Variants in RBFOX1 observed in about 807,000 individuals in gnomAD.
The protein encoded by RBFOX1 is RNA binding fox-1 homolog 1.
RBFOX1 carries 8 observed loss-of-function variants against 57.7 expected under a neutral mutation model. The observed-to-expected ratio is 0.14, with a 90% CI of 0.08 to 0.25. The LOEUF is 0.25. Among genes scored for constraint, RBFOX1 ranks in the 10% least tolerant of loss-of-function variants. RBFOX1 has a pLI of 1.00. For missense variants in RBFOX1, 611 were observed against 548.5 expected, an observed-to-expected ratio of 1.11 and a Z score of -1.14; for synonymous variants, 326 against 222.4, an observed-to-expected ratio of 1.47 and a Z score of -4.15.
At chr16:7,380,722 A>C (rs749376644) in intron 4 of RBFOX1, among the ~76,000 whole-genome samples, 1 of 152,216 alleles carries the variant, frequency 6.6e-6, no homozygotes, top group African/African-American at 2.4e-5. Context: ...TTTGCACCTG[A>C]ATATTCCATG....
At chr16:7,287,578 T>A (rs1483606248) in intron 4 of RBFOX1, among the ~76,000 whole-genome samples, 2 of 152,204 alleles carry the variant, frequency 1.3e-5, no homozygotes, top group Non-Finnish European at 2.9e-5. Context: ...GCTACTTAAA[T>A]GGAAGAAGAT....
At chr16:7,499,905 A>C (rs973706864) in intron 4 of RBFOX1, among the ~76,000 whole-genome samples, 2 of 152,132 alleles carry the variant, frequency 1.3e-5, no homozygotes, top group African/African-American at 2.4e-5. Context: ...GAAAAAAAAA[A>C]AACATTGTTC....
intron 2 of RBFOX1, among the ~76,000 whole-genome samples, chr16:6,516,876 T>G (rs184980726): frequency 2.1e-3 from 316 of 152,278 alleles, no homozygotes; most frequent in African/African-American, 7.2e-3. Flanking sequence ...ATGGGAATGT[T>G]GCATTTGAAA....
intron 4 of RBFOX1, among the ~76,000 whole-genome samples, chr16:7,107,609 C>G (rs1216238848): frequency 6.6e-6 from 1 of 152,176 alleles, no homozygotes; most frequent in Admixed American, 6.6e-5. Context: ...CTTCCTACGT[C>G]GCTGACATCC....
chr16:6,916,658 C>A (rs1331458193), intron 3 of RBFOX1, among the ~76,000 whole-genome samples: 4 of 152,074 alleles, frequency 2.6e-5, no homozygotes, highest in African/African-American at 9.7e-5. Context: ...GTCATCACGA[C>A]CTTCCCAGGT....
At chr16:5,344,880 T>C (rs2065107074) in intron 1 of RBFOX1, among the ~76,000 whole-genome samples, 2 of 152,230 alleles carry the variant, frequency 1.3e-5, no homozygotes, top group African/African-American at 4.8e-5. Context: ...GGCATGTTGA[T>C]ATCAATAACT....
intron 4 of RBFOX1, among the ~76,000 whole-genome samples, chr16:7,178,002 G>A (rs2082004036): frequency 6.6e-6 from 1 of 152,128 alleles, no homozygotes; most frequent in South Asian, 2.1e-4. Context: ...CTGACCTATT[G>A]ATTCAGAATC....
At chr16:7,581,427 C>G (rs748779717) in intron 6 of RBFOX1, among the ~76,000 whole-genome samples, 3 of 152,158 alleles carry the variant, frequency 2.0e-5, no homozygotes, top group Non-Finnish European at 4.4e-5. Context: ...AGGAAGACAT[C>G]TTGCTATGCA....
intron 4 of RBFOX1, among the ~76,000 whole-genome samples, chr16:7,070,191 G>C (rs1031144062): frequency 5.9e-5 from 9 of 152,222 alleles, no homozygotes; most frequent in Admixed American, 3.9e-4. Flanking sequence ...TGAGCGATCA[G>C]AGCACGAGGT....
intron 3 of RBFOX1, among the ~76,000 whole-genome samples, chr16:6,842,618 C>T (rs6500848): frequency 0.49 from 74,090 of 149,774 alleles, 19,568 homozygotes; most frequent in East Asian, 0.75. Flanking sequence ...TTCCTGCTGA[C>T]AGACATTTAG....
intron 3 of RBFOX1, among the ~76,000 whole-genome samples, chr16:6,876,948 T>G (rs1453920779): frequency 2.0e-5 from 3 of 152,156 alleles, no homozygotes; most frequent in Non-Finnish European, 4.4e-5. Context: ...TTCTCAGTAT[T>G]TATGGAAGAA....
chr16:5,614,424 T>C (rs932672310), intron 3 of RBFOX1, among the ~76,000 whole-genome samples: 1 of 152,152 alleles, frequency 6.6e-6, no homozygotes, highest in Non-Finnish European at 1.5e-5. Flanking sequence ...TCAATTTCAG[T>C]TCACTGGCAC....
At chr16:5,461,164 G>A (rs59856091) in intron 1 of RBFOX1, among the ~76,000 whole-genome samples, 278 of 152,322 alleles carry the variant, frequency 1.8e-3, no homozygotes, top group African/African-American at 6.5e-3. Flanking sequence ...ACTGAACCCC[G>A]TCGTGGTCTT....
chr16:7,225,555 C>T (rs55872822), intron 4 of RBFOX1, among the ~76,000 whole-genome samples: 10,533 of 151,704 alleles, frequency 0.069, 999 homozygotes, highest in African/African-American at 0.22. Flanking sequence ...TTTATTGCAT[C>T]ATGAAAGTAG....
intron 4 of RBFOX1, among the ~76,000 whole-genome samples, chr16:6,009,333 A>G (rs2094946333): frequency 6.6e-6 from 1 of 152,226 alleles, no homozygotes; most frequent in Admixed American, 6.5e-5. Context: ...TGAGTCAAGT[A>G]GGGCTTTGAT....
At chr16:6,265,513 C>T (rs963723559) in intron 1 of RBFOX1, among the ~76,000 whole-genome samples, 4 of 152,166 alleles carry the variant, frequency 2.6e-5, no homozygotes, top group African/African-American at 7.2e-5. Flanking sequence ...CCACCCACCT[C>T]GGCCTCCCAG....
intron 2 of RBFOX1, among the ~76,000 whole-genome samples, chr16:6,419,467 T>C (rs908127248): frequency 6.6e-6 from 1 of 152,190 alleles, no homozygotes; most frequent in African/African-American, 2.4e-5. Context: ...GACAAGACAG[T>C]GCTAAGAAAG....
At chr16:6,920,814 G>A (rs879431987) in intron 3 of RBFOX1, among the ~76,000 whole-genome samples, 5 of 152,134 alleles carry the variant, frequency 3.3e-5, no homozygotes, top group Non-Finnish European at 7.3e-5. Context: ...CCTGAATCCA[G>A]GATGATTCCA....
At chr16:5,658,336 T>C (rs2049523016) in intron 3 of RBFOX1, among the ~76,000 whole-genome samples, 1 of 152,158 alleles carries the variant, frequency 6.6e-6, no homozygotes, top group Non-Finnish European at 1.5e-5. Context: ...TCCAAGTTTG[T>C]AGCTGAAACA....
Sources: gnomAD v4.1 joint callset for allele counts (sites outside exome capture counted in the v4.1 genomes callset) on GRCh38, gnomAD v4.1.1 for gene constraint, MANE v1.5 for transcripts, NCBI Gene and HGNC (gene_info 2026-07-23, HGNC 2026-07-21) for gene names.